AGBL4: variants seen among roughly 807,000 people sequenced by gnomAD.
The protein encoded by AGBL4 is cytosolic carboxypeptidase 6.
A neutral mutation model predicts 66.4 loss-of-function variants in AGBL4; 58 were observed. The ratio of observed to expected loss-of-function variants is 0.87; its 90% CI spans 0.71 to 1.09. The LOEUF (loss-of-function observed/expected upper bound fraction) is 1.09. Among genes scored for constraint, AGBL4 ranks in the 50% least tolerant of loss-of-function variants. The pLI is 0.00. For synonymous variants in AGBL4, 234 were observed against 222.9 expected (o/e 1.05, Z -0.44); for missense variants, 579 against 631.0 (o/e 0.92, Z 0.88).
At chr1:49,564,126 G>A (rs1471003820) in intron 3 of AGBL4, among the ~76,000 whole-genome samples, 2 of 152,090 alleles carry the variant, frequency 1.3e-5, no homozygotes, top group Non-Finnish European at 2.9e-5. Flanking sequence ...CCTGATGGTA[G>A]TTTGTATCTC....
intron 1 of AGBL4, among the ~76,000 whole-genome samples, chr1:49,923,963 C>G (rs1023591953): frequency 6.6e-6 from 1 of 152,160 alleles, no homozygotes; most frequent in African/African-American, 2.4e-5. Context: ...AATCCCATTA[C>G]TAGAGTATAT....
At chr1:48,922,616 C>T (rs1019328903) in intron 5 of AGBL4, among the ~76,000 whole-genome samples, 4 of 152,266 alleles carry the variant, frequency 2.6e-5, no homozygotes, top group Non-Finnish European at 5.9e-5. Flanking sequence ...CGGACTTAGA[C>T]ACATGAATAC....
chr1:48,535,840 T>C (rs564162762), intron 12 of AGBL4, among the ~76,000 whole-genome samples: 1 of 152,114 alleles, frequency 6.6e-6, no homozygotes, highest in African/African-American at 2.4e-5. Context: ...TTCTTTTCTT[T>C]AGTGTGAAGG....
chr1:49,372,615 C>CTTTCTTTTCTTTTTCTT (rs1557878298), intron 3 of AGBL4, among the ~76,000 whole-genome samples: 1 of 22,394 alleles, frequency 4.5e-5, no homozygotes, highest in East Asian at 1.1e-3. Context: ...CTTTTTCTTT[C>CTTTCTTTTCTTTTTCTT]TTTCTTTCTT....
At chr1:49,608,890 A>C (rs1645106074) in intron 3 of AGBL4, among the ~76,000 whole-genome samples, 1 of 152,196 alleles carries the variant, frequency 6.6e-6, no homozygotes, top group South Asian at 2.1e-4. Flanking sequence ...TATCACAAGA[A>C]CTATGCATGG....
At chr1:49,763,342 A>G (rs574140228) in intron 2 of AGBL4, among the ~76,000 whole-genome samples, 4 of 152,202 alleles carry the variant, frequency 2.6e-5, no homozygotes, top group Non-Finnish European at 5.9e-5. Context: ...GCTCAGGACT[A>G]CTTCACTGTC....
intron 1 of AGBL4, among the ~76,000 whole-genome samples, chr1:49,911,297 G>T (rs564735724): frequency 1.4e-3 from 206 of 152,306 alleles, no homozygotes; most frequent in Non-Finnish European, 2.6e-3. Flanking sequence ...TTCTGTGATT[G>T]TTGAGAGGAA....
intron 3 of AGBL4, among the ~76,000 whole-genome samples, chr1:49,256,458 T>C (rs1026135335): frequency 5.9e-5 from 9 of 152,146 alleles, no homozygotes; most frequent in African/African-American, 2.2e-4. Context: ...AAATATCAGA[T>C]ACCTATAAAT....
At chr1:48,881,896 A>G (rs1418125315) in intron 5 of AGBL4, among the ~76,000 whole-genome samples, 1 of 152,208 alleles carries the variant, frequency 6.6e-6, no homozygotes, top group African/African-American at 2.4e-5. Flanking sequence ...AAAGCTAGGT[A>G]AGATCCCCCA....
rs115376619 is a variant in AGBL4, at chr1:48,674,116, A to C, written c.635-10875T>G. Among the ~76,000 whole-genome samples, 1,081 of 151,888 alleles carry C rather than the reference A, an allele frequency of 7.1e-3. 7 individuals carry two copies. Among genetic ancestry groups the C allele is most frequent in the Non-Finnish European group, 9.9e-3 (675 of 67,934 alleles). ...TTTCACCTACTCATCACACCTCCTCACACCTTTCTAGTTTCCTCACACCTC... is the reference window on the plus strand; with the variant it reads ...TTTCACCTACTCATCACACCTCCTCCCACCTTTCTAGTTTCCTCACACCTC... On this transcript the variant is annotated intron_variant, in intron 6 of 13. Transcript: ENST00000371839.
chr1:49,710,719 T>G (rs1247630625), intron 2 of AGBL4, among the ~76,000 whole-genome samples: 1 of 151,816 alleles, frequency 6.6e-6, no homozygotes, highest in Non-Finnish European at 1.5e-5. Context: ...TTTAAAAAAC[T>G]AATAAACTGA....
chr1:49,861,114 C>T (rs1025993838), intron 1 of AGBL4, among the ~76,000 whole-genome samples: 4 of 152,098 alleles, frequency 2.6e-5, no homozygotes, highest in Admixed American at 2.6e-4. Context: ...TTTAAATCAG[C>T]CCAGGTCCCA....
At chr1:49,314,710 T>C (rs940099416) in intron 3 of AGBL4, among the ~76,000 whole-genome samples, 2 of 152,268 alleles carry the variant, frequency 1.3e-5, no homozygotes, top group African/African-American at 2.4e-5. Context: ...TGTGTCTTTA[T>C]AGTATAATGA....
At chr1:49,425,744 A>T (rs1645642483) in intron 3 of AGBL4, among the ~76,000 whole-genome samples, 1 of 152,196 alleles carries the variant, frequency 6.6e-6, no homozygotes, top group African/African-American at 2.4e-5. Context: ...TGACCAAAGT[A>T]GAGACCAGGG....
At chr1:49,291,702 A>G (rs1041108691) in intron 3 of AGBL4, among the ~76,000 whole-genome samples, 1 of 152,232 alleles carries the variant, frequency 6.6e-6, no homozygotes, top group Non-Finnish European at 1.5e-5. Flanking sequence ...TATTTTGATC[A>G]GGGTCATGGT....
chr1:49,367,959 GCTTT>G (rs1379282049), intron 3 of AGBL4, among the ~76,000 whole-genome samples: 2 of 152,058 alleles, frequency 1.3e-5, no homozygotes, highest in East Asian at 3.9e-4. Context: ...CCACTAATCT[GCTTT>G]CTGTCTCTAT....
rs974311371 is a variant in AGBL4 at position 49,322,678 on chromosome 1, C to T, written c.283-76814G>A. 2.6e-5 allele frequency among the ~76,000 whole-genome samples: 4 copies of T among 152,268 alleles called. No individual in the cohort carries two copies. The South Asian group carries it at 8.3e-4, about 32-fold the overall frequency. ...GAAGTTAAGGAATGCTTGGAGCCAC[C>T]AGAGGCTGGGAGAGGCAAGGAAGGA... On this transcript the variant is annotated intron_variant, in intron 3 of 13. Coordinates refer to ENST00000371839, the MANE Select transcript of AGBL4 (RefSeq NM_032785.4).
At chr1:48,989,264 A>G (rs1194111505) in intron 5 of AGBL4, among the ~76,000 whole-genome samples, 2 of 152,114 alleles carry the variant, frequency 1.3e-5, no homozygotes, top group Non-Finnish European at 2.9e-5. Context: ...AGGTATATAT[A>G]TTTACGGGGT....
chr1:49,575,537 G>A (rs868654114), intron 3 of AGBL4, among the ~76,000 whole-genome samples: 4 of 152,206 alleles, frequency 2.6e-5, no homozygotes, highest in Non-Finnish European at 4.4e-5. Context: ...AAAGATGCAG[G>A]TGTGGTGATT....
Sources: allele counts gnomAD v4.1 joint callset (sites outside exome capture counted in the v4.1 genomes callset), GRCh38; gene constraint gnomAD v4.1.1; transcripts MANE v1.5; gene names NCBI Gene and HGNC (gene_info 2026-07-23, HGNC 2026-07-21).